Variants in RAP1GAP2 observed in about 807,000 individuals in gnomAD.
RAP1GAP2 encodes the protein RAP1 GTPase activating protein 2, also known as rap1 GTPase-activating protein 2.
A neutral mutation model predicts 95.0 loss-of-function variants in RAP1GAP2; 27 were observed. The observed-to-expected ratio is 0.28, with a 90% confidence interval of 0.21 to 0.39. The LOEUF (loss-of-function observed/expected upper bound fraction) is 0.39. RAP1GAP2 is among the 10% of genes least tolerant of loss of function. The pLI, the probability that RAP1GAP2 is intolerant of heterozygous loss-of-function variation, is 1.00. For missense variants in RAP1GAP2, 771 were observed against 970.0 expected, an observed-to-expected ratio of 0.79 and a Z score of 2.72; for synonymous variants, 373 against 380.9, an observed-to-expected ratio of 0.98 and a Z score of 0.24.
upstream of RAP1GAP2, among the ~76,000 whole-genome samples, chr17:2,792,543 G>A (rs178575): frequency 0.25 from 37,971 of 152,160 alleles, 5,537 homozygotes; most frequent in Non-Finnish European, 0.33. Context: ...GCCATGAGCC[G>A]TCTGGGAGAG....
chr17:2,796,021 C>T (rs995245536), upstream of RAP1GAP2, among the ~76,000 whole-genome samples: 5 of 152,222 alleles, frequency 3.3e-5, no homozygotes, highest in South Asian at 2.1e-4. The surrounding 1 kb of genome is among the most constrained non-coding windows in gnomAD (Gnocchi z 4.7). Context: ...GTTCCTCTGG[C>T]GTGTGCCGAG....
chr17:2,862,123 G>T (rs917711538), intron 2 of RAP1GAP2, among the ~76,000 whole-genome samples: 3 of 152,114 alleles, frequency 2.0e-5, no homozygotes, highest in African/African-American at 7.2e-5. Context: ...ATAGCTTTGG[G>T]ACCCGTAGAC....
intron 16 of RAP1GAP2, 78 bp from the exon 17 acceptor site, chr17:3,007,933 G>C: frequency 6.6e-7 from 1 of 1,515,032 alleles, no homozygotes; most frequent in Non-Finnish European, 9.0e-7. Flanking sequence ...TCCAGGCCAG[G>C]TGTCTGGAGC....
At chr17:2,967,326 G>T (rs1479473209) in intron 8 of RAP1GAP2, among the ~76,000 whole-genome samples, 2 of 152,106 alleles carry the variant, frequency 1.3e-5, no homozygotes, top group African/African-American at 4.8e-5. Flanking sequence ...AGCAAGGATC[G>T]CACCACTGCA....
At chr17:2,838,710 G>A (rs186099774) in intron 2 of RAP1GAP2, among the ~76,000 whole-genome samples, 98 of 152,274 alleles carry the variant, frequency 6.4e-4, no homozygotes, top group African/African-American at 2.2e-3. Flanking sequence ...ATGACATTTG[G>A]TGGTAAGAGG....
chr17:3,024,064 G>C (rs747810520), intron 19 of RAP1GAP2, among the ~76,000 whole-genome samples: 4 of 152,146 alleles, frequency 2.6e-5, no homozygotes, highest in Non-Finnish European at 5.9e-5. Flanking sequence ...GAACCAATAG[G>C]GTAGAGGTAC....
intron 3 of RAP1GAP2, among the ~76,000 whole-genome samples, chr17:2,921,715 A>ACCGGGCCGTTAAGGTGTCCG (rs1555569369): frequency 6.7e-6 from 1 of 149,660 alleles, no homozygotes; most frequent in Non-Finnish European, 1.5e-5. Flanking sequence ...TTATGTGTCC[A>ACCGGGCCGTTAAGGTGTCCG]CAGGGCCGTT....
At chr17:2,914,712 A>C (rs1015981535) in intron 3 of RAP1GAP2, among the ~76,000 whole-genome samples, 2 of 150,224 alleles carry the variant, frequency 1.3e-5, no homozygotes, top group African/African-American at 2.5e-5. Flanking sequence ...GGATGGTCTC[A>C]ATCTCCTGAC....
intron 3 of RAP1GAP2, among the ~76,000 whole-genome samples, chr17:2,928,819 G>A (rs1006431481): frequency 1.3e-5 from 2 of 152,028 alleles, no homozygotes; most frequent in African/African-American, 4.8e-5. Context: ...ATGGGGAGTC[G>A]GAGGGGTGGG....
In RAP1GAP2 at chr17:2,876,077, A is replaced by G. The variant is rs1370749984; in HGVS notation, c.81-29207A>G. On this transcript the variant is annotated intron_variant, in intron 2 of 24. Coordinates refer to ENST00000254695, the MANE Select transcript of RAP1GAP2 (RefSeq NM_015085.5). Reference sequence around the variant, plus strand: ...CTCAGCCTCCCGAGTGGCTGGGACTACAGGCACCCGCCCCCACGCCCGGCT... The same window carrying G: ...CTCAGCCTCCCGAGTGGCTGGGACTGCAGGCACCCGCCCCCACGCCCGGCT... Among the ~76,000 whole-genome samples the G allele has an allele frequency of 4.0e-5, 6 of 151,748 alleles. No homozygotes were observed. In the East Asian group the frequency reaches 7.8e-4, roughly 20 times the overall value.
rs1191264743 is a variant in RAP1GAP2 at position 2,903,492 on chromosome 17, G to A, written c.81-1792G>A. The stretch of plus-strand genomic sequence containing the variant: ...CAGGAGCTGGTGCCTGCTTTTGTGT[G>A]TGTGTGAGAGTGTGTGCACACACCT... On this transcript the variant is annotated intron_variant, in intron 2 of 24. Coordinates refer to ENST00000254695, the MANE Select transcript of RAP1GAP2 (RefSeq NM_015085.5). The surrounding 1 kb of genome is among the most constrained non-coding windows in gnomAD (Gnocchi z 4.1). 4.6e-5 allele frequency among the ~76,000 whole-genome samples: 7 copies of A among 152,188 alleles called. No homozygotes were observed. Among genetic ancestry groups the A allele is most frequent in the African/African-American group, 1.7e-4 (7 of 41,454 alleles).
intron 2 of RAP1GAP2, among the ~76,000 whole-genome samples, chr17:2,881,478 C>A (rs951690483): frequency 2.6e-5 from 4 of 152,168 alleles, no homozygotes; most frequent in African/African-American, 9.7e-5. Flanking sequence ...CGTAACGGCA[C>A]TTCATTCCTT....
intron 11 of RAP1GAP2, among the ~76,000 whole-genome samples, chr17:2,989,040 C>CA: frequency 6.6e-6 from 1 of 151,760 alleles, no homozygotes. Flanking sequence ...GCCTGGGTGA[C>CA]AGAGTGAGAC....
At chr17:2,919,967 C>T (rs940544458) in intron 3 of RAP1GAP2, among the ~76,000 whole-genome samples, 1 of 151,560 alleles carries the variant, frequency 6.6e-6, no homozygotes, top group African/African-American at 2.4e-5. Context: ...TCCCAAAGTG[C>T]TGGGATGACA....
At chr17:2,784,189 G>A (rs1297787958) in intron 1 of RAP1GAP2, among the ~76,000 whole-genome samples, 1 of 151,980 alleles carries the variant, frequency 6.6e-6, no homozygotes, top group Non-Finnish European at 1.5e-5. Flanking sequence ...TAGCCAGGAT[G>A]GTCTCGAATT....
intron 11 of RAP1GAP2, among the ~76,000 whole-genome samples, chr17:2,987,847 A>G (rs185449445): frequency 8.7e-4 from 132 of 152,332 alleles, no homozygotes; most frequent in Non-Finnish European, 1.5e-3. Context: ...TATTGTTACA[A>G]TTACCTACTG....
intron 3 of RAP1GAP2, among the ~76,000 whole-genome samples, chr17:2,909,838 C>T (rs2042314098): frequency 6.6e-6 from 1 of 152,138 alleles, no homozygotes; most frequent in Admixed American, 6.5e-5. Context: ...GGGACTCAGA[C>T]TGGGTGGGGG....
chr17:2,932,528 A>ATTTATTATATC (rs1278353201), intron 3 of RAP1GAP2, among the ~76,000 whole-genome samples: 1 of 137,560 alleles, frequency 7.3e-6, no homozygotes, highest in Non-Finnish European at 1.5e-5. Flanking sequence ...TTTATTTATT[A>ATTTATTATATC]TTTATTATAT....
chr17:2,932,671 C>A (rs949848401), intron 3 of RAP1GAP2, among the ~76,000 whole-genome samples: 2 of 149,828 alleles, frequency 1.3e-5, no homozygotes, highest in East Asian at 3.9e-4. Flanking sequence ...CAAAAATTAG[C>A]CAGGAGTGGT....
Sources: allele counts gnomAD v4.1 joint callset (sites outside exome capture counted in the v4.1 genomes callset), GRCh38; gene constraint gnomAD v4.1.1; non-coding constraint Gnocchi (gnomAD v3.1); transcripts MANE v1.5; gene names NCBI Gene and HGNC (gene_info 2026-07-23, HGNC 2026-07-21).